The following LILRB5 variants were observed in gnomAD, a reference collection of about 807,000 sequenced individuals.
LILRB5 encodes the protein leukocyte immunoglobulin like receptor B5, also known as leukocyte immunoglobulin-like receptor subfamily B member 5.
Under a neutral mutation model 68.4 loss-of-function variants are expected in LILRB5, and 61 were observed. The ratio of observed to expected loss-of-function variants is 0.89; its 90% confidence interval spans 0.73 to 1.10. LILRB5 has a LOEUF of 1.10. LILRB5 is among the 50% of genes least tolerant of loss of function. The pLI, the probability that LILRB5 is intolerant of heterozygous loss-of-function variation, is 0.00. For missense variants in LILRB5, 771 were observed against 751.6 expected, an observed-to-expected ratio of 1.03 and a Z score of -0.30; for synonymous variants, 356 against 315.8, an observed-to-expected ratio of 1.13 and a Z score of -1.35.
Position 54,256,473 on chromosome 19 carries a change from C to T in LILRB5, c.355+16G>A. On this transcript the variant is annotated intron_variant, in intron 3 of 12. Transcript: ENST00000449561. ...AGGGCAGAGCCTGGGGCTGGGACCC[C>T]TGAGTGTCCTCTCACCTGTCGCCAC... 1.2e-6 allele frequency: 2 copies of T among 1,613,230 alleles called. No homozygotes were observed. The highest frequency in any genetic ancestry group is 1.7e-6 in the Non-Finnish European group (2 of 1,179,582).
chr19:54,253,932 T>C lies in LILRB5; in HGVS notation c.1357+86A>G, dbSNP rs2079035741. ...GGGGAAGGGCTTGTGCACTTCACCA[T>C]CTCCAGAGGAGCCTGAACCTACGAC... On this transcript the variant is annotated intron_variant, in intron 8 of 12. Coordinates refer to ENST00000449561, the MANE Select transcript of LILRB5 (RefSeq NM_001081442.3). 1.9e-6 allele frequency: 3 copies of C among 1,549,804 alleles called. No homozygotes were observed. In the East Asian group the frequency reaches 7.3e-5, roughly 38 times the overall value.
chr19:54,255,696 C>T (rs546696066), intron 4 of LILRB5, 114 bp from the exon 5 acceptor site: 169 of 1,285,346 alleles, frequency 1.3e-4, no homozygotes, highest in Non-Finnish European at 1.7e-4. Context: ...CTCTGTGTCT[C>T]GGATCCCGGG....
Position 54,250,588 on chromosome 19 carries a change from C to A in LILRB5, c.*198G>T, listed in dbSNP as rs1008094252. The A allele has an allele frequency of 2.7e-5, 17 of 620,026 alleles. No homozygotes were observed. In the East Asian group the frequency reaches 3.3e-4, roughly 12 times the overall value. The allele number at this position is 620,026 out of a possible 1,614,324, so 38.4% of individuals were successfully genotyped here. ...TGATTTATTGAGAAGTCTGTGGCTT[C>A]ATTTCAAAAATGCAAGGATATTAGT... On this transcript the variant is annotated 3_prime_UTR_variant, in exon 13 of 13. Transcript: ENST00000449561.
Position 54,250,783 on chromosome 19 carries a change from G to A in LILRB5, c.*3C>T. 6.2e-7 allele frequency: 1 copy of A among 1,614,032 alleles called. No individual in the cohort carries two copies. The highest frequency in any genetic ancestry group is 8.5e-7 in the Non-Finnish European group (1 of 1,179,980). On this transcript the variant is annotated 3_prime_UTR_variant, in exon 13 of 13. Coordinates refer to ENST00000449561, the MANE Select transcript of LILRB5 (RefSeq NM_001081442.3). ...TGAGTATGAGATCTGGGTCCCCCGTGGGCTAGTGGATGGCCAGGGGGGCGT... is the reference window on the plus strand; with the variant it reads ...TGAGTATGAGATCTGGGTCCCCCGTAGGCTAGTGGATGGCCAGGGGGGCGT...
In LILRB5 at chr19:54,254,915, C is replaced by T. The variant is rs2079075407; in HGVS notation, c.1075G>A (p.Gly359Arg). Residue 359 changes from glycine (G) to arginine (R), a missense_variant, in exon 6 of 13, where the codon GGG becomes AGG. Physicochemically the swap from Gly to Arg is moderately radical, Grantham distance 125. Coordinates refer to ENST00000449561, the MANE Select transcript of LILRB5 (RefSeq NM_001081442.3). ...QIDTFFLTKE[G>R]AAHPPLCLKS... ...AGACACAGCGGGGGATGGGCTGCCC[C>T]CTCCTTGGTCAAAAAGAAAGTGTCT... 1 of 1,613,948 alleles carries T rather than the reference C, an allele frequency of 6.2e-7. No homozygotes were observed. The highest frequency in any genetic ancestry group is 1.1e-5 in the South Asian group (1 of 91,090).
rs1252284226 is a variant in LILRB5, at chr19:54,256,730, C to A, written c.114G>T (p.Val38=). The A allele has an allele frequency of 1.9e-6, 3 of 1,614,006 alleles. No homozygotes were observed. Among genetic ancestry groups the A allele is most frequent in the Non-Finnish European group, 2.5e-6 (3 of 1,180,018 alleles). Residue 38 remains valine (V), a synonymous_variant, in exon 3 of 13, where the codon GTG becomes GTT. Transcript: ENST00000449561. The part of the protein sequence containing the change: ...KPTLWAEPAS[V]IARGKPVTLW... ...GGGTCACGGGCTTCCCCCGAGCTAT[C>A]ACAGAGGCTGGCTCAGCCCAGAGGG...
rs2079152139 is a variant in LILRB5 at position 54,256,587 on chromosome 19, G to A, written c.257C>T (p.Pro86Leu). Residue 86 changes from proline (P) to leucine (L), a missense_variant, in exon 3 of 13, where the codon CCA becomes CTA. Pro to Leu is a moderately conservative substitution (Grantham distance 98). Transcript: ENST00000449561. The part of the protein sequence containing the change: ...EPGAKAKFHI[P>L]STVYDSAGRY... The stretch of plus-strand genomic sequence containing the variant: ...CCCTGCACTGTCATACACCGTGGAT[G>A]GAATGTGGAACTTGGCCTTGGCTCC... 1 of 1,614,050 alleles carries A rather than the reference G, an allele frequency of 6.2e-7. No individual in the cohort carries two copies. The highest frequency in any genetic ancestry group is 8.5e-7 in the Non-Finnish European group (1 of 1,180,016).
At chr19:54,251,811 A>C (rs624263) in intron 12 of LILRB5, 236,685 of 701,634 alleles carry the variant, frequency 0.34, 41,919 homozygotes, top group African/African-American at 0.38. Context: ...GCCTGGGGAG[A>C]GCTCTAACAA....
chr19:54,252,590 G>C, intron 9 of LILRB5, 41 bp from the exon 10 acceptor site: 1 of 1,608,478 alleles, frequency 6.2e-7, no homozygotes, highest in Non-Finnish European at 8.5e-7. Flanking sequence ...GGGAGAATTC[G>C]AACCAGCTGC....
At chr19:54,252,593 C>G (rs2078996647) in intron 9 of LILRB5, 44 bp from the exon 10 acceptor site, 5 of 1,606,818 alleles carry the variant, frequency 3.1e-6, no homozygotes, top group Non-Finnish European at 3.4e-6. Context: ...AGAATTCGAA[C>G]CAGCTGCCCT....
intron 2 of LILRB5, 65 bp from the exon 3 acceptor site, chr19:54,256,838 C>T: frequency 6.2e-7 from 1 of 1,608,074 alleles, no homozygotes. Flanking sequence ...CTCTCAGCCC[C>T]AGGACCCTCC....
chr19:54,256,022 G>A (rs747941786), intron 4 of LILRB5, 21 bp downstream of exon 4: 3 of 1,517,804 alleles, frequency 2.0e-6, no homozygotes, highest in Non-Finnish European at 2.6e-6. Context: ...ATTATATAAA[G>A]AAGTGTGGTG....
chr19:54,252,962 C>T lies in LILRB5; in HGVS notation c.1383G>A (p.Val461=), dbSNP rs757609110. 1 of 1,568,474 alleles carries T rather than the reference C, an allele frequency of 6.4e-7. No individual in the cohort carries two copies. Among genetic ancestry groups the T allele is most frequent in the Non-Finnish European group, 8.7e-7 (1 of 1,151,456 alleles). The change falls in exon 9 of 13, where the codon GTG becomes GTA. Residue 461 remains valine, a synonymous_variant. Transcript: ENST00000449561. ...QSGLGRHLGV[V]TGVSVAFVLL... ...GGACGAAGGCCACTGAGACCCCAGT[C>T]ACAACCCCCAGGTGCCTTCCCAGAC...
At position 54,255,576 on chromosome 19, in the gene LILRB5, G is replaced by A; in HGVS notation, c.662C>T (p.Ser221Phe). Residue 221 changes from serine to phenylalanine, a missense_variant, in exon 5 of 13, where the codon TCT (serine) becomes TTT (phenylalanine). Coordinates refer to ENST00000449561, the MANE Select transcript of LILRB5 (RefSeq NM_001081442.3). Reference protein sequence around the residue: ...DLLEILVPGVSRKPSLLIPQG... With the variant: ...DLLEILVPGVFRKPSLLIPQG... The stretch of plus-strand genomic sequence containing the variant: ...CGGGATCAGGAGGGAGGGCTTCCTA[G>A]ACACGCCTGGAGGGAAAGAGGAATT... The A allele has an allele frequency of 1.2e-6, 2 of 1,612,906 alleles. No individual in the cohort carries two copies. The highest frequency in any genetic ancestry group is 1.7e-6 in the Non-Finnish European group (2 of 1,179,288).
At chr19:54,252,671 G>C in intron 9 of LILRB5, 122 bp from the exon 10 acceptor site, 1 of 1,173,374 alleles carries the variant, frequency 8.5e-7, no homozygotes. Flanking sequence ...TAAATACGTC[G>C]TAAGTTTAAA....
chr19:54,249,838 G>A lies in LILRB5; in HGVS notation c.*948C>T, dbSNP rs1481870179. On this transcript the variant is annotated 3_prime_UTR_variant, in exon 13 of 13. Transcript: ENST00000449561. ...ACCTGAGGTCGGGAGTTTGAGACCAGCCTGACCAACATGGAGAAACCCTGT... is the reference window on the plus strand; with the variant it reads ...ACCTGAGGTCGGGAGTTTGAGACCAACCTGACCAACATGGAGAAACCCTGT... The A allele has an allele frequency of 6.6e-6, 1 of 152,232 alleles. No homozygotes were observed. Among genetic ancestry groups the A allele is most frequent in the Non-Finnish European group, 1.5e-5 (1 of 68,070 alleles). 9.4% of individuals were successfully genotyped at this position (152,232 alleles called of 1,614,324 possible).
At chr19:54,254,642 C>A (rs541883631) in intron 6 of LILRB5, 93 bp downstream of exon 6, 180 of 1,504,164 alleles carry the variant, frequency 1.2e-4, no homozygotes, top group Admixed American at 5.3e-4. Context: ...CCCTCCCCCC[C>A]GCACCGCGAC....
At position 54,252,945 on chromosome 19, in the gene LILRB5, G is replaced by T. The variant is rs971740013; in HGVS notation, c.1400C>A (p.Ala467Asp). 2 of 1,578,806 alleles carry T rather than the reference G, an allele frequency of 1.3e-6. No homozygotes were observed. The highest frequency in any genetic ancestry group is 2.2e-5 in the South Asian group (2 of 90,720). ...HLGVVTGVSV[A>D]FVLLLFLLLF... ...GAGGAGGAACAGCAGCAGGACGAAG[G>T]CCACTGAGACCCCAGTCACAACCCC... Residue 467 changes from alanine (A) to aspartate (D), a missense_variant, in exon 9 of 13, where the codon GCC (alanine) becomes GAC (aspartate). By Grantham distance (126) the Ala-to-Asp change is moderately radical. Coordinates refer to ENST00000449561, the MANE Select transcript of LILRB5 (RefSeq NM_001081442.3).
rs540179139 is a variant in LILRB5, at chr19:54,256,703, G to T, written c.141C>A (p.Leu47=). The T allele has an allele frequency of 3.7e-6, 6 of 1,614,042 alleles. No homozygotes were observed. The African/African-American group carries it at 4.0e-5, about 11-fold the overall frequency. ...SVIARGKPVT[L]WCQGPLETEE... is the part of the protein sequence containing the mutation. ...CAGTCTCCAGGGGCCCCTGACACCA[G>T]AGGGTCACGGGCTTCCCCCGAGCTA... Residue 47 remains leucine (L), a synonymous_variant, in exon 3 of 13, where the codon CTC becomes CTA. Transcript: ENST00000449561.
Sources: allele counts gnomAD v4.1 joint callset, GRCh38; gene constraint gnomAD v4.1.1; transcripts MANE v1.5; gene names NCBI Gene and HGNC (gene_info 2026-07-23, HGNC 2026-07-21).